The following ARHGAP25 variants were observed in gnomAD, a reference collection of about 807,000 sequenced individuals.
The protein encoded by ARHGAP25 is rho GTPase-activating protein 25.
ARHGAP25 carries 34 observed loss-of-function variants against 71.0 expected under a neutral mutation model. The observed-to-expected ratio is 0.48, with a 90% CI of 0.36 to 0.64. ARHGAP25 has a LOEUF of 0.64. ARHGAP25 is among the 30% of genes least tolerant of loss of function. The pLI, the probability that ARHGAP25 is intolerant of heterozygous loss-of-function variation, is 0.00. For missense variants in ARHGAP25, 706 were observed against 805.1 expected, an observed-to-expected ratio of 0.88 and a Z score of 1.49; for synonymous variants, 282 against 296.5, an observed-to-expected ratio of 0.95 and a Z score of 0.50.
rs779688629 is a variant in ARHGAP25 at position 68,813,261 on chromosome 2, A to G, written c.675-26A>G. On this transcript the variant is annotated intron_variant, in intron 5 of 10. Coordinates refer to ENST00000409202, the MANE Select transcript of ARHGAP25 (RefSeq NM_001007231.3). ...TAAAGTTTTTCTTTCAAAGAGTTTC[A>G]CAGAGCGTTGCTTATTTTCTTCCAG... is the stretch of plus-strand genomic sequence containing the variant. 7 of 1,595,406 alleles carry G rather than the reference A, an allele frequency of 4.4e-6. No individual in the cohort carries two copies. The South Asian group carries it at 4.5e-5, about 10-fold the overall frequency.
chr2:68,740,354 A>G (rs1675456501), intron 1 of ARHGAP25, among the ~76,000 whole-genome samples: 1 of 152,212 alleles, frequency 6.6e-6, no homozygotes, highest in Non-Finnish European at 1.5e-5. Context: ...TATACTATGT[A>G]TAGACCCTCT....
intron 1 of ARHGAP25, among the ~76,000 whole-genome samples, chr2:68,766,983 T>C (rs1281142617): frequency 2.0e-5 from 3 of 152,242 alleles, no homozygotes; most frequent in African/African-American, 7.2e-5. Flanking sequence ...AGGGCATTTC[T>C]AGAATCCATA....
At chr2:68,749,586 A>T (rs1304345039) in intron 1 of ARHGAP25, among the ~76,000 whole-genome samples, 1 of 152,224 alleles carries the variant, frequency 6.6e-6, no homozygotes, top group Non-Finnish European at 1.5e-5. Flanking sequence ...CGATCAGAGC[A>T]GTCACCCTGA....
chr2:68,772,378 A>G (rs1237679645), intron 1 of ARHGAP25, among the ~76,000 whole-genome samples: 3 of 152,212 alleles, frequency 2.0e-5, no homozygotes, highest in African/African-American at 4.8e-5. Flanking sequence ...AGCCAAGTAA[A>G]GGTTCCTCAT....
intron 3 of ARHGAP25, among the ~76,000 whole-genome samples, chr2:68,784,190 T>TCA (rs550738447): frequency 0.011 from 1,648 of 150,126 alleles, 28 homozygotes; most frequent in African/African-American, 0.037. Flanking sequence ...TCTCTCTCTC[T>TCA]CACACACACA....
chr2:68,742,133 C>T (rs1230889756), intron 1 of ARHGAP25, among the ~76,000 whole-genome samples: 2 of 152,120 alleles, frequency 1.3e-5, no homozygotes, highest in Non-Finnish European at 2.9e-5. Flanking sequence ...TATCCATCCA[C>T]CCCCAAAATA....
At chr2:68,760,986 T>C (rs1676777915) in intron 1 of ARHGAP25, among the ~76,000 whole-genome samples, 2 of 151,760 alleles carry the variant, frequency 1.3e-5, no homozygotes, top group South Asian at 4.2e-4. Context: ...CAAAACAGTG[T>C]AGTAATGGCA....
chr2:68,786,051 A>T (rs756864821), intron 3 of ARHGAP25, among the ~76,000 whole-genome samples: 3 of 152,156 alleles, frequency 2.0e-5, no homozygotes, highest in Non-Finnish European at 4.4e-5. Flanking sequence ...TAATATCATC[A>T]AGCTTCACAT....
Position 68,735,056 on chromosome 2 carries a change from T to A in ARHGAP25, c.-144T>A. On this transcript the variant is annotated 5_prime_UTR_variant, in exon 1 of 11. Coordinates refer to ENST00000409202, the MANE Select transcript of ARHGAP25 (RefSeq NM_001007231.3). Reference sequence around the variant, plus strand: ...GAGGAGACACGTTGGCAAATCAGCCTCAAGCCTAAGATTGCTTGTGAAGCA... The same window carrying A: ...GAGGAGACACGTTGGCAAATCAGCCACAAGCCTAAGATTGCTTGTGAAGCA... 1.3e-6 allele frequency: 1 copy of A among 749,352 alleles called. No homozygotes were observed. Among genetic ancestry groups the A allele is most frequent in the Non-Finnish European group, 2.3e-6 (1 of 425,646 alleles). 46.4% of individuals were successfully genotyped at this position (749,352 alleles called of 1,614,324 possible). A position where few individuals can be genotyped will look rare whatever the true frequency, so the allele number is the denominator to read the frequency against.
chr2:68,784,557 C>G lies in ARHGAP25; in HGVS notation c.349+2237C>G, dbSNP rs533202415. On this transcript the variant is annotated intron_variant, in intron 3 of 10. Coordinates refer to ENST00000409202, the MANE Select transcript of ARHGAP25 (RefSeq NM_001007231.3). ...GGTAGGCTTCCCTCTCCCTACTGATCTCTCATAGCATAACTATCTATTCTT... is the reference window on the plus strand; with the variant it reads ...GGTAGGCTTCCCTCTCCCTACTGATGTCTCATAGCATAACTATCTATTCTT... 2.6e-5 allele frequency among the ~76,000 whole-genome samples: 4 copies of G among 152,204 alleles called. 1 individual carries two copies. In the East Asian group the frequency reaches 7.7e-4, roughly 29 times the overall value.
At chr2:68,732,092 C>G (rs185346204), upstream of ARHGAP25, among the ~76,000 whole-genome samples, 95 of 152,296 alleles carry the variant, frequency 6.2e-4, no homozygotes, top group East Asian at 7.7e-4. Context: ...ACTTTGGGAC[C>G]AGGCAAGGCA....
chr2:68,770,105 A>G (rs1054791097), intron 1 of ARHGAP25, among the ~76,000 whole-genome samples: 5 of 152,192 alleles, frequency 3.3e-5, no homozygotes, highest in African/African-American at 1.2e-4. Context: ...ATGTCACTCA[A>G]GTACATCAGA....
In ARHGAP25 at chr2:68,817,893, T is replaced by A; in HGVS notation, c.902T>A (p.Leu301Gln). Residue 301 changes from leucine (L) to glutamine (Q), a missense_variant, in exon 8 of 11, where the codon CTG becomes CAG. Coordinates refer to ENST00000409202, the MANE Select transcript of ARHGAP25 (RefSeq NM_001007231.3). ...TGTAGGTTCCTACATGAAATACAGC[T>A]GAACTGTGCTGTTAACAAGATGAGT... ...YICRFLHEIQLNCAVNKMSVD... is the reference protein window; with the variant it reads ...YICRFLHEIQQNCAVNKMSVD... The A allele has an allele frequency of 1.9e-6, 3 of 1,614,050 alleles. No individual in the cohort carries two copies. Among genetic ancestry groups the A allele is most frequent in the Non-Finnish European group, 2.5e-6 (3 of 1,179,912 alleles).
At chr2:68,728,884 G>C (rs950889132) in intron 2 of ARHGAP25, among the ~76,000 whole-genome samples, 2 of 152,098 alleles carry the variant, frequency 1.3e-5, no homozygotes. Flanking sequence ...AACAAAATTT[G>C]ATCTATCCAC....
chr2:68,733,924 A>G (rs1448303371), upstream of ARHGAP25, among the ~76,000 whole-genome samples: 1 of 152,216 alleles, frequency 6.6e-6, no homozygotes, highest in Non-Finnish European at 1.5e-5. Context: ...CCCCATCTAC[A>G]GATAAGAATT....
In ARHGAP25 at chr2:68,762,393, T is replaced by TA. The variant is rs140419378; in HGVS notation, c.62-12827dup. ...AAGATAGTAAATTTTATGTGTGTTT[T>TA]ACTGGAATAAAAATAATTGGGAAAA... is the stretch of plus-strand genomic sequence containing the variant. On this transcript the variant is annotated intron_variant, in intron 1 of 10. Coordinates refer to ENST00000409202, the MANE Select transcript of ARHGAP25 (RefSeq NM_001007231.3). Among the ~76,000 whole-genome samples the TA allele has an allele frequency of 8.6e-3, 1,303 of 152,348 alleles. 19 individuals are homozygous for TA. Among genetic ancestry groups the TA allele is most frequent in the African/African-American group, 0.03 (1,236 of 41,574 alleles).
At chr2:68,723,322 A>ACG (rs1674809702) in intron 2 of ARHGAP25, among the ~76,000 whole-genome samples, 1 of 152,076 alleles carries the variant, frequency 6.6e-6, no homozygotes, top group Admixed American at 6.5e-5. Context: ...CAGGGAGCCT[A>ACG]TAAAGTTAGC....
intron 4 of ARHGAP25, among the ~76,000 whole-genome samples, chr2:68,797,975 C>T (rs1230899871): frequency 6.6e-6 from 1 of 152,218 alleles, no homozygotes; most frequent in Non-Finnish European, 1.5e-5. Context: ...AAAGCTTCCT[C>T]TCACTTTTTT....
At chr2:68,733,572 G>A (rs1420833479), upstream of ARHGAP25, among the ~76,000 whole-genome samples, 3 of 152,158 alleles carry the variant, frequency 2.0e-5, no homozygotes, top group African/African-American at 7.2e-5. Flanking sequence ...GATGCAATAG[G>A]GATGGGAGAG....
Sources: allele counts gnomAD v4.1 joint callset (sites outside exome capture counted in the v4.1 genomes callset), GRCh38; gene constraint gnomAD v4.1.1; transcripts MANE v1.5; gene names NCBI Gene and HGNC (gene_info 2026-07-23, HGNC 2026-07-21).